ERC2: variants seen among roughly 807,000 people sequenced by gnomAD.
The protein encoded by ERC2 is ERC protein 2.
Under a neutral mutation model 114.8 loss-of-function variants are expected in ERC2, and 42 were observed. The ratio of observed to expected loss-of-function variants is 0.37; its 90% confidence interval spans 0.29 to 0.47. The LOEUF is 0.47. ERC2 is among the 20% of genes least tolerant of loss of function. The pLI is 0.99. For synonymous variants in ERC2, 454 were observed against 425.5 expected (o/e 1.07, Z -0.82); for missense variants, 939 against 1,150.7 (o/e 0.82, Z 2.66).
intron 3 of ERC2, among the ~76,000 whole-genome samples, chr3:56,242,594 A>G (rs1052229555): frequency 2.6e-5 from 4 of 152,178 alleles, no homozygotes; most frequent in African/African-American, 9.7e-5. Context: ...TGAAGTAACA[A>G]TTAGATGTAA....
At chr3:56,287,747 G>A (rs1375225076) in intron 3 of ERC2, among the ~76,000 whole-genome samples, 1 of 152,192 alleles carries the variant, frequency 6.6e-6, no homozygotes, top group African/African-American at 2.4e-5. Context: ...CAATCGGCAA[G>A]TCCAAATTTG....
intron 15 of ERC2, among the ~76,000 whole-genome samples, chr3:55,734,296 T>C (rs1327630765): frequency 2.0e-5 from 3 of 152,016 alleles, no homozygotes; most frequent in Non-Finnish European, 4.4e-5. Context: ...CTGAAAGGTA[T>C]TGGAGGAAAT....
intron 2 of ERC2, among the ~76,000 whole-genome samples, chr3:56,312,599 G>A (rs113952880): frequency 1.4e-3 from 210 of 152,068 alleles, no homozygotes; most frequent in African/African-American, 4.6e-3. Context: ...TATGTTAAAT[G>A]CTATGTATCA....
At chr3:55,815,730 GGGATTCCCC>G (rs2059882607) in intron 14 of ERC2, among the ~76,000 whole-genome samples, 1 of 152,156 alleles carries the variant, frequency 6.6e-6, no homozygotes, top group Non-Finnish European at 1.5e-5. Flanking sequence ...ACTAACGCGG[GGGATTCCCC>G]AGATGTAGCG....
At chr3:55,712,674 T>A (rs527261085) in intron 15 of ERC2, among the ~76,000 whole-genome samples, 11 of 152,338 alleles carry the variant, frequency 7.2e-5, no homozygotes, top group Non-Finnish European at 1.6e-4. Context: ...AGCTATTTGA[T>A]AATGTATTAA....
At chr3:56,338,461 G>A (rs1013650041) in intron 2 of ERC2, among the ~76,000 whole-genome samples, 1 of 152,270 alleles carries the variant, frequency 6.6e-6, no homozygotes, top group South Asian at 2.1e-4. Context: ...TGAGAGACAG[G>A]AAGGATACAG....
Position 55,634,196 on chromosome 3 carries a change from T to C in ERC2, c.*39+49598A>G, listed in dbSNP as rs141781483. Among the ~76,000 whole-genome samples, 282 of 152,338 alleles carry C rather than the reference T, an allele frequency of 1.9e-3. 1 individual carries two copies. Among genetic ancestry groups the C allele is most frequent in the African/African-American group, 6.1e-3 (254 of 41,580 alleles). On this transcript the variant is annotated intron_variant, in intron 17 of 17. Transcript: ENST00000288221. ...ATGCCCCAGACACGAAGACAGTTTA[T>C]AAGAATCTGCCCATGCCATAAGTAC...
At chr3:55,630,460 C>T (rs1051071244) in intron 17 of ERC2, among the ~76,000 whole-genome samples, 10 of 152,220 alleles carry the variant, frequency 6.6e-5, no homozygotes, top group Admixed American at 2.0e-4. Flanking sequence ...TGAGCCACCA[C>T]GCCCGGCCAA....
At chr3:56,061,421 G>A (rs576169094) in intron 7 of ERC2, among the ~76,000 whole-genome samples, 1 of 152,220 alleles carries the variant, frequency 6.6e-6, no homozygotes, top group East Asian at 1.9e-4. Flanking sequence ...ACTGCAATTG[G>A]GAGACTTATC....
intron 17 of ERC2, among the ~76,000 whole-genome samples, chr3:55,553,142 C>T (rs1365604861): frequency 2.7e-5 from 4 of 150,624 alleles, no homozygotes; most frequent in African/African-American, 9.8e-5. Flanking sequence ...CTGCCTCAGC[C>T]TCCTGAGTAG....
chr3:55,589,231 A>G (rs1327488930), intron 17 of ERC2, among the ~76,000 whole-genome samples: 18 of 149,646 alleles, frequency 1.2e-4, no homozygotes, highest in Admixed American at 4.7e-4. Context: ...AAAAAAAAAA[A>G]AAAGAGAGAG....
Position 56,189,555 on chromosome 3 carries a change from AG to A in ERC2, c.1075-16036del, listed in dbSNP as rs1237951594. 3.9e-5 allele frequency among the ~76,000 whole-genome samples: 6 copies of A among 152,350 alleles called. No homozygotes were observed. The East Asian group carries it at 1.2e-3, about 29-fold the overall frequency. ...CATCAAACTAAGATGTTCCTGAATC[AG>A]AAATGGTGTGTCCATACATGTGTGG... On this transcript the variant is annotated intron_variant, in intron 3 of 17. Transcript: ENST00000288221.
chr3:56,106,346 G>A (rs912977223), intron 6 of ERC2, among the ~76,000 whole-genome samples: 1 of 152,250 alleles, frequency 6.6e-6, no homozygotes, highest in African/African-American at 2.4e-5. Flanking sequence ...TAAGCAGAAT[G>A]ATCCAGTTAT....
In ERC2 at chr3:56,020,754, A is replaced by G. The variant is rs78490418; in HGVS notation, c.1642-1723T>C. Among the ~76,000 whole-genome samples the G allele has an allele frequency of 7.5e-3, 1,144 of 152,324 alleles. 13 individuals carry two copies. The highest frequency in any genetic ancestry group is 0.026 in the African/African-American group (1,065 of 41,578). On this transcript the variant is annotated intron_variant, in intron 7 of 17. Coordinates refer to ENST00000288221, the MANE Select transcript of ERC2 (RefSeq NM_015576.3). The stretch of plus-strand genomic sequence containing the variant: ...GACCCACTGGCCCACCCTGGCAGAC[A>G]GTGCCCTGGGCATAAGAGGAGGACA...
intron 17 of ERC2, among the ~76,000 whole-genome samples, chr3:55,669,784 T>C (rs1156589577): frequency 6.6e-6 from 1 of 152,300 alleles, no homozygotes; most frequent in East Asian, 1.9e-4. Context: ...TAGCATGAAG[T>C]CTCCAGGGAG....
chr3:56,408,471 AAC>A (rs138217089), intron 2 of ERC2, among the ~76,000 whole-genome samples: 2 of 150,938 alleles, frequency 1.3e-5, no homozygotes. Flanking sequence ...CCCTCCCCCA[AAC>A]ACACACACAC....
intron 15 of ERC2, among the ~76,000 whole-genome samples, chr3:55,719,941 ATTCCTTTCT>A (rs140641664): frequency 0.094 from 13,957 of 147,752 alleles, 909 homozygotes; most frequent in Non-Finnish European, 0.14. Flanking sequence ...GGGTTCTTTC[ATTCCTTTCT>A]TTCCTTTCTT....
chr3:55,958,983 C>T (rs371939252), intron 12 of ERC2, among the ~76,000 whole-genome samples: 9 of 152,126 alleles, frequency 5.9e-5, no homozygotes, highest in Admixed American at 1.3e-4. Context: ...TCTTGGATCC[C>T]GCTGGACCCA....
Position 56,149,018 on chromosome 3 carries a change from T to C in ERC2, c.1264A>G (p.Ile422Val), listed in dbSNP as rs370129253. Residue 422 changes from isoleucine (I) to valine (V), a missense_variant, in exon 5 of 18, where the codon ATT becomes GTT. By Grantham distance (29) the Ile-to-Val change is conservative. Around this residue, in one of 5 missense-constraint regions of ERC2, gnomAD observed 148 missense variants for 159.1 expected, o/e 0.93. Transcript: ENST00000288221. ...TEDREEEIKQ[I>V]EVYKSHSKFM... is the part of the protein sequence containing the mutation. ...TTGGAGTGACTTTTGTAAACCTCAA[T>C]TTGTTTGATCTCTTCTTCGCGGTCC... 1.9e-6 allele frequency: 3 copies of C among 1,613,382 alleles called. No individual in the cohort carries two copies. The highest frequency in any genetic ancestry group is 2.2e-5 in the South Asian group (2 of 91,044).
Sources: gnomAD v4.1 joint callset for allele counts (sites outside exome capture counted in the v4.1 genomes callset) on GRCh38, gnomAD v4.1.1 for gene constraint, gnomAD v4.1.1 regional missense constraint, MANE v1.5 for transcripts, NCBI Gene and HGNC (gene_info 2026-07-23, HGNC 2026-07-21) for gene names.